The following ARID2 variants were observed in gnomAD, a reference collection of about 807,000 sequenced individuals.
ARID2 encodes the protein AT-rich interactive domain-containing protein 2.
Under a neutral mutation model 184.6 loss-of-function variants are expected in ARID2, and 32 were observed. The observed-to-expected ratio is 0.17, with a 90% CI of 0.13 to 0.23. The LOEUF (loss-of-function observed/expected upper bound fraction) is 0.23. ARID2 is among the 10% of genes least tolerant of loss of function. The probability of loss-of-function intolerance (pLI) is 1.00; values close to 1 mark genes in which losing one functional copy is unlikely to be tolerated. For missense variants in ARID2, 1,696 were observed against 2,197.6 expected (o/e 0.77, Z 4.56); for synonymous variants, 836 against 772.6 (o/e 1.08, Z -1.36).
chr12:45,845,124 T>C (rs761983345), intron 11 of ARID2, among the ~76,000 whole-genome samples: 1 of 152,188 alleles, frequency 6.6e-6, no homozygotes, highest in African/African-American at 2.4e-5. Flanking sequence ...TTTATTCCTC[T>C]TTCTACATTG....
In ARID2 at chr12:45,851,271, G is replaced by A. The variant is rs2138169564; in HGVS notation, c.3148G>A (p.Gly1050Ser). 7 of 1,614,160 alleles carry A rather than the reference G, an allele frequency of 4.3e-6. No individual in the cohort carries two copies. The highest frequency in any genetic ancestry group is 5.9e-6 in the Non-Finnish European group (7 of 1,180,016). Residue 1050 changes from glycine (G) to serine (S), a missense_variant, in exon 15 of 21, where the codon GGT (glycine) becomes AGT (serine). Physicochemically the swap from Gly to Ser is moderately conservative, Grantham distance 56. This residue lies in a region of ARID2 where 713 missense variants were observed against 824.4 expected (regional missense o/e 0.86). Coordinates refer to ENST00000334344, the MANE Select transcript of ARID2 (RefSeq NM_152641.4). ...VQPQQSNAGV[G>S]QPASGESSLI... is the part of the protein sequence containing the mutation. Reference sequence around the variant, plus strand: ...ACCTCAACAGTCGAATGCAGGAGTTGGTCAGCCTGCCTCTGGTGAGTCGAG... The same window carrying A: ...ACCTCAACAGTCGAATGCAGGAGTTAGTCAGCCTGCCTCTGGTGAGTCGAG...
At chr12:45,893,377 A>G (rs1250341771) in intron 18 of ARID2, 43 bp from the exon 19 acceptor site, 1 of 1,569,620 alleles carries the variant, frequency 6.4e-7, no homozygotes, top group East Asian at 2.4e-5. Flanking sequence ...TGTCTGCAGT[A>G]TCACGTTAAT....
intron 3 of ARID2, chr12:45,776,257 A>T (rs1403627704): frequency 1.3e-5 from 2 of 152,660 alleles, no homozygotes; most frequent in African/African-American, 4.8e-5. Context: ...GGTGATTCTG[A>T]ACCTTGCTAA....
intron 3 of ARID2, among the ~76,000 whole-genome samples, chr12:45,732,828 A>G (rs1941028950): frequency 6.6e-6 from 1 of 152,204 alleles, no homozygotes; most frequent in Non-Finnish European, 1.5e-5. Flanking sequence ...CATGAGATGT[A>G]TATTTTTCTG....
intron 3 of ARID2, among the ~76,000 whole-genome samples, chr12:45,800,682 C>G (rs1463529286): frequency 6.6e-6 from 1 of 151,882 alleles, no homozygotes; most frequent in Non-Finnish European, 1.5e-5. Context: ...AAGAGGGATT[C>G]TAGGGCTGAA....
At chr12:45,839,046 A>G (rs1226931056) in intron 10 of ARID2, among the ~76,000 whole-genome samples, 1 of 148,676 alleles carries the variant, frequency 6.7e-6, no homozygotes, top group East Asian at 2.0e-4. Context: ...TTGTATTTTT[A>G]GTAGAGATGG....
At position 45,759,315 on chromosome 12, in the gene ARID2, T is replaced by C. The variant is rs77186279; in HGVS notation, c.284+28001T>C. Among the ~76,000 whole-genome samples the C allele has an allele frequency of 6.6e-5, 10 of 152,278 alleles. No homozygotes were observed. The East Asian group carries it at 1.7e-3, about 26-fold the overall frequency. ...ATGTATATGTGTATATGTGCACATATAGGAATATAATGAGATAATATTATT... is the reference window on the plus strand; with the variant it reads ...ATGTATATGTGTATATGTGCACATACAGGAATATAATGAGATAATATTATT... On this transcript the variant is annotated intron_variant, in intron 3 of 20. Transcript: ENST00000334344.
chr12:45,801,470 A>G (rs1486481160), intron 3 of ARID2, among the ~76,000 whole-genome samples: 2 of 152,200 alleles, frequency 1.3e-5, no homozygotes, highest in Non-Finnish European at 2.9e-5. Context: ...TCTAAAAGGA[A>G]AAGGATAACT....
At chr12:45,766,545 GCT>G (rs1491318618) in intron 3 of ARID2, among the ~76,000 whole-genome samples, 1 of 150,832 alleles carries the variant, frequency 6.6e-6, no homozygotes, top group African/African-American at 2.4e-5. Context: ...ACAGAATCTT[GCT>G]CTGTCACCCT....
chr12:45,821,061 T>C (rs1190202949), intron 5 of ARID2, among the ~76,000 whole-genome samples: 1 of 152,176 alleles, frequency 6.6e-6, no homozygotes, highest in Admixed American at 6.5e-5. Flanking sequence ...AGATTTTAAA[T>C]GATAACCTGG....
chr12:45,839,524 G>A, intron 11 of ARID2, 28 bp downstream of exon 11: 1 of 1,596,400 alleles, frequency 6.3e-7, no homozygotes, highest in Non-Finnish European at 8.5e-7. Flanking sequence ...TTCTTTTTCA[G>A]TGTGGTTACG....
intron 6 of ARID2, among the ~76,000 whole-genome samples, chr12:45,824,691 T>C (rs986152418): frequency 6.6e-6 from 1 of 151,988 alleles, no homozygotes; most frequent in East Asian, 1.9e-4. Flanking sequence ...GTAAGTAATA[T>C]AGCCATTATG....
intron 16 of ARID2, among the ~76,000 whole-genome samples, chr12:45,878,030 A>G (rs949650531): frequency 3.3e-5 from 5 of 152,220 alleles, no homozygotes; most frequent in Non-Finnish European, 7.3e-5. Flanking sequence ...ATCTTTCAAC[A>G]GTTTAAATAT....
At chr12:45,895,863 A>G (rs562498904) in intron 20 of ARID2, among the ~76,000 whole-genome samples, 2 of 152,304 alleles carry the variant, frequency 1.3e-5, no homozygotes, top group African/African-American at 4.8e-5. Context: ...CATCAAAAAG[A>G]GTAAAATACT....
intron 3 of ARID2, among the ~76,000 whole-genome samples, chr12:45,780,750 CTG>C (rs1942073785): frequency 6.6e-6 from 1 of 152,052 alleles, no homozygotes; most frequent in South Asian, 2.1e-4. Flanking sequence ...AACCTAGTCA[CTG>C]GGATTACAGG....
chr12:45,880,922 C>T (rs547545348), intron 16 of ARID2: 1 of 200,536 alleles, frequency 5.0e-6, no homozygotes, highest in African/African-American at 2.3e-5. Flanking sequence ...TTTGGGGGGA[C>T]ACAACACTAG....
chr12:45,905,319 A>T lies in ARID2; in HGVS notation c.*241A>T. On this transcript the variant is annotated 3_prime_UTR_variant, in exon 21 of 21. Coordinates refer to ENST00000334344, the MANE Select transcript of ARID2 (RefSeq NM_152641.4). The stretch of plus-strand genomic sequence containing the variant: ...AAGAACTGCTGTGGGATTGTCAACC[A>T]GCTTATCTGCAGGATGTTTCAGATC... 2.7e-6 allele frequency: 1 copy of T among 372,124 alleles called. No individual in the cohort carries two copies. The highest frequency in any genetic ancestry group is 4.8e-6 in the Non-Finnish European group (1 of 206,882). The allele number at this position is 372,124 out of a possible 1,614,324, so 23.1% of individuals were successfully genotyped here.
intron 15 of ARID2, among the ~76,000 whole-genome samples, chr12:45,856,192 A>G (rs1202041968): frequency 6.9e-6 from 1 of 145,652 alleles, no homozygotes; most frequent in Non-Finnish European, 1.5e-5. Flanking sequence ...CTTCCACCTC[A>G]GCCTCCTGAG....
intron 16 of ARID2, among the ~76,000 whole-genome samples, chr12:45,869,904 C>A (rs1386202638): frequency 2.0e-5 from 3 of 150,666 alleles, no homozygotes; most frequent in African/African-American, 7.3e-5. Context: ...AAAACAAAAA[C>A]AAACAAACAA....
Sources: gnomAD v4.1 joint callset for allele counts (sites outside exome capture counted in the v4.1 genomes callset) on GRCh38, gnomAD v4.1.1 for gene constraint, gnomAD v4.1.1 regional missense constraint, MANE v1.5 for transcripts, NCBI Gene and HGNC (gene_info 2026-07-23, HGNC 2026-07-21) for gene names.